The following CRTC3 variants were observed in gnomAD, a reference collection of about 807,000 sequenced individuals.
CRTC3 encodes CREB-regulated transcription coactivator 3.
Under a neutral mutation model 74.5 loss-of-function variants are expected in CRTC3, and 26 were observed. The observed-to-expected ratio is 0.35, with a 90% confidence interval of 0.26 to 0.48. CRTC3 has a LOEUF of 0.48. CRTC3 is among the 20% of genes least tolerant of loss of function. The probability of loss-of-function intolerance (pLI) is 0.99; values close to 1 mark genes in which losing one functional copy is unlikely to be tolerated. For synonymous variants in CRTC3, 377 were observed against 325.8 expected (o/e 1.16, Z -1.69); for missense variants, 760 against 787.3 (o/e 0.97, Z 0.41).
chr15:90,618,954 C>T (rs2151088141), intron 8 of CRTC3, among the ~76,000 whole-genome samples: 1 of 152,316 alleles, frequency 6.6e-6, no homozygotes, highest in East Asian at 1.9e-4. Context: ...TGCCCTCCTC[C>T]CTGAGTACCA....
intron 2 of CRTC3, among the ~76,000 whole-genome samples, chr15:90,556,887 T>C (rs1966900002): frequency 6.6e-6 from 1 of 151,134 alleles, no homozygotes; most frequent in African/African-American, 2.4e-5. Flanking sequence ...ACTTGTCATT[T>C]CTAGAAAATA....
chr15:90,541,205 A>C (rs1295589870), intron 2 of CRTC3, among the ~76,000 whole-genome samples: 1 of 152,248 alleles, frequency 6.6e-6, no homozygotes, highest in Non-Finnish European at 1.5e-5. Flanking sequence ...CATTCTAATT[A>C]TGCAATTTAA....
intron 11 of CRTC3, chr15:90,635,021 G>C (rs753282363): frequency 1.7e-6 from 2 of 1,176,638 alleles, no homozygotes; most frequent in Admixed American, 3.4e-5. Context: ...TTCTTGGAAA[G>C]TACATAGACT....
chr15:90,552,931 T>C (rs1966864046), intron 2 of CRTC3, among the ~76,000 whole-genome samples: 1 of 152,190 alleles, frequency 6.6e-6, no homozygotes, highest in African/African-American at 2.4e-5. Flanking sequence ...TATAATGTTA[T>C]ATTTTTTTCC....
chr15:90,542,210 A>G (rs1297807193), intron 2 of CRTC3, among the ~76,000 whole-genome samples: 2 of 147,540 alleles, frequency 1.4e-5, no homozygotes, highest in African/African-American at 5.0e-5. Context: ...ACCGAGTCTC[A>G]TTCTGTCGCC....
chr15:90,537,090 C>T (rs1220693126), intron 1 of CRTC3, among the ~76,000 whole-genome samples: 2 of 152,184 alleles, frequency 1.3e-5, no homozygotes, highest in Non-Finnish European at 2.9e-5. Flanking sequence ...TTCTTTGGTT[C>T]ACATGTTCAT....
intron 2 of CRTC3, among the ~76,000 whole-genome samples, chr15:90,580,662 A>G (rs1967518711): frequency 6.6e-6 from 1 of 152,080 alleles, no homozygotes; most frequent in Non-Finnish European, 1.5e-5. Context: ...TCCTGACCCC[A>G]GGTGATCCAC....
chr15:90,606,363 A>AC (rs1198186906), intron 5 of CRTC3, among the ~76,000 whole-genome samples: 2 of 152,134 alleles, frequency 1.3e-5, no homozygotes, highest in Non-Finnish European at 2.9e-5. Flanking sequence ...GGAGTTCGAG[A>AC]CCAGCCTGGC....
At chr15:90,617,312 C>A (rs896627543) in intron 7 of CRTC3, among the ~76,000 whole-genome samples, 1 of 152,204 alleles carries the variant, frequency 6.6e-6, no homozygotes, top group African/African-American at 2.4e-5. Flanking sequence ...TTGCCCTTAT[C>A]CACTGACTAG....
chr15:90,564,525 C>T (rs1385395848), intron 2 of CRTC3, among the ~76,000 whole-genome samples: 1 of 152,084 alleles, frequency 6.6e-6, no homozygotes, highest in East Asian at 1.9e-4. Flanking sequence ...ACTTATCATC[C>T]CCGCCATCCA....
intron 2 of CRTC3, among the ~76,000 whole-genome samples, chr15:90,573,989 T>A (rs1369820547): frequency 6.6e-6 from 1 of 152,212 alleles, no homozygotes; most frequent in African/African-American, 2.4e-5. Context: ...TGTCTGTACC[T>A]TGCTTGAATG....
chr15:90,629,184 A>G (rs753885762), intron 10 of CRTC3, 50 bp from the exon 11 acceptor site: 1 of 1,556,100 alleles, frequency 6.4e-7, no homozygotes, highest in Admixed American at 1.8e-5. Context: ...TTGGAATACA[A>G]AAGATTTGGT....
intron 10 of CRTC3, among the ~76,000 whole-genome samples, chr15:90,626,680 C>T (rs1042055763): frequency 6.0e-5 from 9 of 150,566 alleles, no homozygotes; most frequent in African/African-American, 2.2e-4. Flanking sequence ...GGCACGATCT[C>T]AGCTCGCTGC....
intron 1 of CRTC3, among the ~76,000 whole-genome samples, chr15:90,534,153 G>A (rs1417555712): frequency 6.6e-6 from 1 of 152,138 alleles, no homozygotes; most frequent in Non-Finnish European, 1.5e-5. Context: ...TTACTAAGAT[G>A]GTGGCAGTCG....
chr15:90,570,805 C>T (rs1967245730), intron 2 of CRTC3, among the ~76,000 whole-genome samples: 1 of 152,128 alleles, frequency 6.6e-6, no homozygotes, highest in African/African-American at 2.4e-5. Context: ...TGTCTGTGGT[C>T]TGTTACACAC....
intron 2 of CRTC3, among the ~76,000 whole-genome samples, chr15:90,589,197 C>T (rs539892068): frequency 1.1e-4 from 16 of 152,110 alleles, no homozygotes; most frequent in African/African-American, 3.9e-4. Flanking sequence ...GCTAGGATTA[C>T]AGGCATGCAC....
intron 6 of CRTC3, among the ~76,000 whole-genome samples, chr15:90,611,190 G>A (rs1168601868): frequency 6.6e-6 from 1 of 152,156 alleles, no homozygotes; most frequent in Non-Finnish European, 1.5e-5. Context: ...AACACCAGAG[G>A]CCTCCTTTAG....
At chr15:90,623,266 G>C (rs1968715047) in intron 9 of CRTC3, among the ~76,000 whole-genome samples, 1 of 152,132 alleles carries the variant, frequency 6.6e-6, no homozygotes, top group Admixed American at 6.5e-5. Context: ...CCCATCATCA[G>C]CCCACCATGC....
chr15:90,577,027 G>GC, intron 2 of CRTC3, among the ~76,000 whole-genome samples: 1 of 61,948 alleles, frequency 1.6e-5, no homozygotes, highest in African/African-American at 1.0e-4. Context: ...CCATTTGTTT[G>GC]TTTTTTGTTT....
Sources: gnomAD v4.1 joint callset for allele counts (sites outside exome capture counted in the v4.1 genomes callset) on GRCh38, gnomAD v4.1.1 for gene constraint, MANE v1.5 for transcripts, NCBI Gene and HGNC (gene_info 2026-07-23, HGNC 2026-07-21) for gene names.